GKAP1: variants seen among roughly 807,000 people sequenced by gnomAD.
The protein encoded by GKAP1 is G kinase-anchoring protein 1.
Under a neutral mutation model 56.7 loss-of-function variants are expected in GKAP1, and 31 were observed. The observed-to-expected ratio is 0.55, with a 90% CI of 0.41 to 0.74. The LOEUF (loss-of-function observed/expected upper bound fraction) is 0.74. Ranked by LOEUF, GKAP1 falls within the 30% of genes least tolerant of loss-of-function variation. The pLI is 0.00. For missense variants in GKAP1, 364 were observed against 402.3 expected, an observed-to-expected ratio of 0.90 and a Z score of 0.82; for synonymous variants, 151 against 138.6, an observed-to-expected ratio of 1.09 and a Z score of -0.63.
chr9:83,799,006 G>GT (rs1326208373), intron 4 of GKAP1, among the ~76,000 whole-genome samples, 179 bp downstream of exon 4: 2 of 152,088 alleles, frequency 1.3e-5, no homozygotes, highest in East Asian at 3.8e-4. Flanking sequence ...AACAACAAAT[G>GT]TATCACTTTT....
intron 7 of GKAP1, among the ~76,000 whole-genome samples, chr9:83,770,409 T>A (rs1466082514): frequency 6.6e-6 from 1 of 152,244 alleles, no homozygotes; most frequent in African/African-American, 2.4e-5. Context: ...ATTATTCTTT[T>A]GCCCTTTTAA....
intron 8 of GKAP1, among the ~76,000 whole-genome samples, chr9:83,764,311 G>T (rs1943625097): frequency 6.6e-6 from 1 of 152,010 alleles, no homozygotes; most frequent in Non-Finnish European, 1.5e-5. Flanking sequence ...AGATCTGATG[G>T]TTTCCTAAGG....
At chr9:83,770,272 G>GT (rs776057489) in intron 7 of GKAP1, among the ~76,000 whole-genome samples, 25 of 152,056 alleles carry the variant, frequency 1.6e-4, no homozygotes, top group Admixed American at 1.0e-3. Context: ...TCTTCTAAAA[G>GT]TTTTACAGAT....
At chr9:83,742,480 A>C in intron 11 of GKAP1, 50 bp downstream of exon 11, 1 of 1,218,412 alleles carries the variant, frequency 8.2e-7, no homozygotes, top group Non-Finnish European at 1.2e-6. Context: ...ATAATTCAAG[A>C]CTAAAGACAG....
At chr9:83,770,615 G>A (rs537394083) in intron 7 of GKAP1, among the ~76,000 whole-genome samples, 1 of 151,874 alleles carries the variant, frequency 6.6e-6, no homozygotes, top group South Asian at 2.1e-4. Flanking sequence ...GGAGTGCAAT[G>A]GCAAGATCTC....
rs1381227656 is a variant in GKAP1, at chr9:83,817,707, G to A, written c.-366C>T. The A allele has an allele frequency of 6.6e-6, 1 of 151,954 alleles. No homozygotes were observed. The highest frequency in any genetic ancestry group is 2.4e-5 in the African/African-American group (1 of 41,196). 9.4% of individuals were successfully genotyped at this position (151,954 alleles called of 1,614,324 possible). ...AGGCTGGGCACTAACGGGTCCCGGGGCGCCGGGGCGGACCGCGGAGGTGAG... is the reference window on the plus strand; with the variant it reads ...AGGCTGGGCACTAACGGGTCCCGGGACGCCGGGGCGGACCGCGGAGGTGAG... On this transcript the variant is annotated 5_prime_UTR_variant, in exon 1 of 13. Transcript: ENST00000376371.
intron 6 of GKAP1, among the ~76,000 whole-genome samples, chr9:83,784,371 G>A (rs1019551409): frequency 2.0e-5 from 3 of 152,154 alleles, no homozygotes; most frequent in African/African-American, 7.2e-5. Flanking sequence ...CTCACAGGTG[G>A]GATTGGTTAT....
intron 8 of GKAP1, among the ~76,000 whole-genome samples, chr9:83,758,942 A>C (rs535423640): frequency 1.9e-4 from 29 of 152,114 alleles, no homozygotes; most frequent in Non-Finnish European, 4.1e-4. Context: ...AGAATTTTTT[A>C]AACTGCATGA....
chr9:83,803,355 T>G (rs986436364), intron 3 of GKAP1, among the ~76,000 whole-genome samples: 1 of 151,700 alleles, frequency 6.6e-6, no homozygotes, highest in African/African-American at 2.4e-5. Flanking sequence ...CCTCCCTGCC[T>G]GATTCTCCTG....
intron 8 of GKAP1, among the ~76,000 whole-genome samples, chr9:83,761,608 G>A (rs191545972): frequency 5.4e-5 from 8 of 147,664 alleles, no homozygotes; most frequent in Middle Eastern, 3.5e-3. Context: ...AAGAAACATC[G>A]AAAAAAGAAA....
intron 6 of GKAP1, among the ~76,000 whole-genome samples, chr9:83,783,077 A>G (rs536737976): frequency 6.6e-6 from 1 of 152,330 alleles, no homozygotes; most frequent in Non-Finnish European, 1.5e-5. Context: ...AAGGAAAACA[A>G]TATAATCTTC....
At chr9:83,782,242 A>G (rs2131289953) in intron 6 of GKAP1, among the ~76,000 whole-genome samples, 1 of 151,980 alleles carries the variant, frequency 6.6e-6, no homozygotes, top group South Asian at 2.1e-4. Flanking sequence ...TCTGGCTCCT[A>G]GCCTCAAGTG....
chr9:83,790,747 G>T (rs1241630990), intron 4 of GKAP1, among the ~76,000 whole-genome samples: 1 of 151,968 alleles, frequency 6.6e-6, no homozygotes, highest in Non-Finnish European at 1.5e-5. Flanking sequence ...CAGAGGCGGA[G>T]GTTGCAGTGA....
At chr9:83,802,805 AAG>A (rs558401198) in intron 3 of GKAP1, among the ~76,000 whole-genome samples, 3 of 151,846 alleles carry the variant, frequency 2.0e-5, no homozygotes, top group Admixed American at 6.6e-5. Context: ...CAGCCTGGAC[AAG>A]AGAGAGAGAT....
At chr9:83,775,874 CAAAAAAAAAAAA>C (rs55669011) in intron 7 of GKAP1, among the ~76,000 whole-genome samples, 5 of 43,710 alleles carry the variant, frequency 1.1e-4, no homozygotes, top group South Asian at 1.3e-3. Flanking sequence ...GACTCTGTCT[CAAAAAAAAAAAA>C]AAAAAAAAAA....
intron 5 of GKAP1, among the ~76,000 whole-genome samples, chr9:83,785,133 G>C (rs913543868): frequency 5.3e-5 from 8 of 151,936 alleles, no homozygotes; most frequent in African/African-American, 1.7e-4. Flanking sequence ...GCAATTTCCT[G>C]CCTCATCCCA....
chr9:83,743,693 A>G (rs1353200067), intron 10 of GKAP1, among the ~76,000 whole-genome samples: 1 of 152,204 alleles, frequency 6.6e-6, no homozygotes, highest in African/African-American at 2.4e-5. Flanking sequence ...TCTCTGAATA[A>G]ATTTTCATAC....
intron 8 of GKAP1, among the ~76,000 whole-genome samples, chr9:83,767,017 T>C (rs940228532): frequency 6.6e-6 from 1 of 152,132 alleles, no homozygotes; most frequent in Non-Finnish European, 1.5e-5. Flanking sequence ...AATTGATGGA[T>C]TGGAGGTCAA....
intron 2 of GKAP1, 42 bp from the exon 3 acceptor site, chr9:83,806,602 G>T: frequency 9.2e-7 from 1 of 1,092,194 alleles, no homozygotes; most frequent in Non-Finnish European, 1.3e-6. Context: ...TAAACAAACA[G>T]AGTAAAATCT....
Sources: gnomAD v4.1 joint callset for allele counts (sites outside exome capture counted in the v4.1 genomes callset) on GRCh38, gnomAD v4.1.1 for gene constraint, MANE v1.5 for transcripts, NCBI Gene and HGNC (gene_info 2026-07-23, HGNC 2026-07-21) for gene names.